Variants in DPP4 observed in about 807,000 individuals in gnomAD.
The protein encoded by DPP4 is dipeptidyl peptidase 4, also known as ADCP-2.
In DPP4, 93 loss-of-function variants were observed where a neutral mutation model predicts 122.4. The observed-to-expected ratio is 0.76, with a 90% confidence interval of 0.64 to 0.90. DPP4 has a LOEUF of 0.90. Ranked by LOEUF, DPP4 falls within the 40% of genes least tolerant of loss-of-function variation. The pLI, the probability that DPP4 is intolerant of heterozygous loss-of-function variation, is 0.00. For synonymous variants in DPP4, 321 were observed against 302.9 expected (o/e 1.06, Z -0.62); for missense variants, 914 against 907.3 (o/e 1.01, Z -0.09).
chr2:162,046,980 T>G lies in DPP4; in HGVS notation c.220A>C (p.Asn74His). ...TCAGCATTGAATACCAAGATATTAT[T>G]TTCTTGTTTGTAGAGATATTCATGA... ...SDHEYLYKQE[N>H]NILVFNAEYG... is the part of the protein sequence containing the mutation. The change falls in exon 4 of 26, where the codon AAT becomes CAT. Residue 74 changes from asparagine to histidine, a missense_variant. Physicochemically the swap from Asn to His is moderately conservative, Grantham distance 68. Coordinates refer to ENST00000360534, the MANE Select transcript of DPP4 (RefSeq NM_001935.4). 6.3e-7 allele frequency: 1 copy of G among 1,596,392 alleles called. No individual in the cohort carries two copies. The highest frequency in any genetic ancestry group is 8.6e-7 in the Non-Finnish European group (1 of 1,164,580).
intron 20 of DPP4, among the ~76,000 whole-genome samples, chr2:162,010,572 T>C (rs932921664): frequency 1.3e-5 from 2 of 152,156 alleles, no homozygotes; most frequent in Non-Finnish European, 2.9e-5. Flanking sequence ...AGTAGATCCT[T>C]AATTTTGTAA....
At chr2:162,002,502 C>G (rs1445420451) in intron 23 of DPP4, among the ~76,000 whole-genome samples, 1 of 152,166 alleles carries the variant, frequency 6.6e-6, no homozygotes, top group Non-Finnish European at 1.5e-5. Context: ...ATTCCTAATC[C>G]TCAGTGTACT....
intron 5 of DPP4, among the ~76,000 whole-genome samples, chr2:162,043,095 C>T (rs1684043524): frequency 1.3e-5 from 2 of 152,168 alleles, no homozygotes; most frequent in South Asian, 4.1e-4. Context: ...ATTAAAGGTT[C>T]TCAACTCAGC....
intron 2 of DPP4, among the ~76,000 whole-genome samples, chr2:162,050,369 A>G (rs752489471): frequency 1.2e-4 from 18 of 152,192 alleles, no homozygotes; most frequent in Non-Finnish European, 2.6e-4. Context: ...CAATCCTCAC[A>G]TCTGTGAGCC....
At chr2:162,021,779 A>G (rs1683136312) in intron 12 of DPP4, among the ~76,000 whole-genome samples, 1 of 152,222 alleles carries the variant, frequency 6.6e-6, no homozygotes, top group Non-Finnish European at 1.5e-5. Context: ...TTAAATACAG[A>G]GAGGAAAAAA....
intron 10 of DPP4, among the ~76,000 whole-genome samples, chr2:162,028,179 T>A (rs945473567): frequency 4.0e-5 from 6 of 151,784 alleles, no homozygotes; most frequent in Admixed American, 2.0e-4. Context: ...TTGGCCAGCA[T>A]GGTGATACCC....
intron 11 of DPP4, among the ~76,000 whole-genome samples, chr2:162,023,338 G>A (rs555582446): frequency 6.6e-6 from 1 of 152,276 alleles, no homozygotes; most frequent in African/African-American, 2.4e-5. Flanking sequence ...GTTAGCAATA[G>A]ATAGGCCTGT....
intron 22 of DPP4, among the ~76,000 whole-genome samples, chr2:162,007,199 T>G (rs1559706332): frequency 6.6e-6 from 1 of 152,088 alleles, no homozygotes; most frequent in Non-Finnish European, 1.5e-5. Flanking sequence ...CATAAAATGC[T>G]CATATCTCTT....
chr2:162,013,930 C>T (rs555402754), intron 19 of DPP4, among the ~76,000 whole-genome samples: 19 of 152,226 alleles, frequency 1.2e-4, no homozygotes, highest in Non-Finnish European at 2.1e-4. Context: ...TAATAGCGAA[C>T]GCTCTCCTCT....
At position 162,024,919 on chromosome 2, in the gene DPP4, A is replaced by G; in HGVS notation, c.908T>C (p.Val303Ala). 1.2e-6 allele frequency: 2 copies of G among 1,613,648 alleles called. No individual in the cohort carries two copies. Among genetic ancestry groups the G allele is most frequent in the Non-Finnish European group, 1.7e-6 (2 of 1,180,010 alleles). The change falls in exon 11 of 26, where the codon GTG becomes GCG. Residue 303 changes from valine to alanine, a missense_variant. Transcript: ENST00000360534. ...MLIGDHYLCD[V>A]TWATQERISL... ...AATTCTTTCTTGTGTTGCCCATGTCACATCACACAAGTAGTGATCCCTGGA... is the reference window on the plus strand; with the variant it reads ...AATTCTTTCTTGTGTTGCCCATGTCGCATCACACAAGTAGTGATCCCTGGA...
At chr2:161,999,644 A>G (rs1043413465) in intron 23 of DPP4, among the ~76,000 whole-genome samples, 1 of 152,240 alleles carries the variant, frequency 6.6e-6, no homozygotes, top group African/African-American at 2.4e-5. Context: ...TGCTCGTTGG[A>G]TCATGCTGGT....
intron 23 of DPP4, among the ~76,000 whole-genome samples, chr2:162,003,170 A>C (rs1701194320): frequency 6.6e-6 from 1 of 152,204 alleles, no homozygotes. Context: ...GTGAAGTGAA[A>C]GAGTGACTTT....
At chr2:162,047,049 T>G in intron 3 of DPP4, 43 bp from the exon 4 acceptor site, 1 of 1,086,472 alleles carries the variant, frequency 9.2e-7, no homozygotes, top group South Asian at 1.4e-5. Context: ...AAGTTGTTAT[T>G]AAACATCTTC....
chr2:162,058,795 C>T (rs1684662811), intron 2 of DPP4, among the ~76,000 whole-genome samples: 1 of 152,198 alleles, frequency 6.6e-6, no homozygotes, highest in South Asian at 2.1e-4. Context: ...ATGGGCACAG[C>T]TGTGTTCCCA....
chr2:162,048,721 C>A (rs1201316258), intron 2 of DPP4, among the ~76,000 whole-genome samples: 4 of 152,132 alleles, frequency 2.6e-5, no homozygotes, highest in Non-Finnish European at 5.9e-5. Flanking sequence ...TAGTTCTGCC[C>A]CCTCTGACTT....
chr2:162,000,540 G>T (rs545162536), intron 23 of DPP4, among the ~76,000 whole-genome samples: 1 of 152,042 alleles, frequency 6.6e-6, no homozygotes, highest in Non-Finnish European at 1.5e-5. Flanking sequence ...CATATTCTGG[G>T]ATAATAGAAC....
chr2:162,034,529 C>T (rs1489785533), intron 9 of DPP4, among the ~76,000 whole-genome samples: 1 of 152,156 alleles, frequency 6.6e-6, no homozygotes, highest in Non-Finnish European at 1.5e-5. Flanking sequence ...GCAGACAATA[C>T]TGTAGCCATT....
chr2:161,992,967 A>T lies in DPP4; in HGVS notation c.*316T>A, dbSNP rs41268645. ...ACCAGTCCAGTTAGAAAAAGATTAA[A>T]ATCCTGCTCAGGGAATCTATGCAAA... On this transcript the variant is annotated 3_prime_UTR_variant, in exon 26 of 26. Transcript: ENST00000360534. The T allele has an allele frequency of 8.9e-4, 241 of 270,486 alleles. No homozygotes were observed. Among genetic ancestry groups the T allele is most frequent in the Non-Finnish European group, 1.4e-3 (189 of 138,176 alleles). 16.8% of individuals were successfully genotyped at this position (270,486 alleles called of 1,614,324 possible). A position where few individuals can be genotyped will look rare whatever the true frequency, so the allele number is the denominator to read the frequency against.
intron 4 of DPP4, among the ~76,000 whole-genome samples, chr2:162,045,934 G>T (rs570469700): frequency 6.6e-6 from 1 of 152,214 alleles, no homozygotes; most frequent in Non-Finnish European, 1.5e-5. Context: ...GATGTTTAGA[G>T]ACTCTTTAAG....
Sources: allele counts gnomAD v4.1 joint callset (sites outside exome capture counted in the v4.1 genomes callset), GRCh38; gene constraint gnomAD v4.1.1; transcripts MANE v1.5; gene names NCBI Gene and HGNC (gene_info 2026-07-23, HGNC 2026-07-21).